The following KCNQ1 variants were observed in gnomAD, a reference collection of about 807,000 sequenced individuals.
The protein encoded by KCNQ1 is potassium voltage-gated channel subfamily Q member 1.
A neutral mutation model predicts 72.4 loss-of-function variants in KCNQ1; 49 were observed. The observed-to-expected ratio is 0.68, with a 90% CI of 0.54 to 0.86. The LOEUF is 0.86. Among genes scored for constraint, KCNQ1 ranks in the 40% least tolerant of loss-of-function variants. The pLI is 0.00. For synonymous variants in KCNQ1, 450 were observed against 412.6 expected, an observed-to-expected ratio of 1.09 and a Z score of -1.10; for missense variants, 790 against 945.1, an observed-to-expected ratio of 0.84 and a Z score of 2.15.
intron 15 of KCNQ1, among the ~76,000 whole-genome samples, chr11:2,788,382 T>G (rs1462602293): frequency 6.6e-6 from 1 of 152,186 alleles, no homozygotes; most frequent in Non-Finnish European, 1.5e-5. Context: ...CAGCAGACTG[T>G]GAGAAGTGTG....
intron 11 of KCNQ1, chr11:2,684,754 G>A (rs1031101464): frequency 5.0e-6 from 2 of 398,644 alleles, no homozygotes; most frequent in Admixed American, 8.8e-5. Flanking sequence ...GAGAAAAGGG[G>A]TAAGGGAGGA....
chr11:2,555,022 C>T (rs986995797), intron 2 of KCNQ1, among the ~76,000 whole-genome samples: 19 of 152,214 alleles, frequency 1.2e-4, no homozygotes, highest in Non-Finnish European at 1.8e-4. Flanking sequence ...CACACACACA[C>T]GTCCACAGGG....
At chr11:2,775,620 G>A (rs1329336542) in intron 12 of KCNQ1, among the ~76,000 whole-genome samples, 2 of 152,212 alleles carry the variant, frequency 1.3e-5, no homozygotes, top group East Asian at 1.9e-4. Context: ...CCTTGGGGGG[G>A]CCAGCTCTTC....
In KCNQ1 at chr11:2,679,868, T is replaced by G. The variant is rs1850359736; in HGVS notation, c.1514+17787T>G. 2.5e-6 allele frequency: 1 copy of G among 398,382 alleles called. No individual in the cohort carries two copies. Among genetic ancestry groups the G allele is most frequent in the Non-Finnish European group, 4.4e-6 (1 of 226,060 alleles). The allele number at this position is 398,382 out of a possible 1,614,324, so 24.7% of individuals were successfully genotyped here. On this transcript the variant is annotated intron_variant, in intron 11 of 15. Coordinates refer to ENST00000155840, the MANE Select transcript of KCNQ1 (RefSeq NM_000218.3). The surrounding 1 kb of genome is among the most constrained non-coding windows in gnomAD (Gnocchi z 4.8). ...GGACATGCATTTTTTTCATATAAAC[T>G]TAGAACTAGCACGCCTAATTTTTTT...
At position 2,603,776 on chromosome 11, in the gene KCNQ1, C is replaced by T. The variant is rs183715124; in HGVS notation, c.1393+14922C>T. ...CGCGATGTCGGCTCACTGCAACCTC[C>T]GCCTCCCGGGTTCAAGCAATTCACC... On this transcript the variant is annotated intron_variant, in intron 10 of 15. Transcript: ENST00000155840. This position sits in a 1 kb window ranked among gnomAD's most constrained non-coding sequence, Gnocchi z 4.1. Among the ~76,000 whole-genome samples, 1,374 of 152,044 alleles carry T rather than the reference C, an allele frequency of 9.0e-3. 27 individuals carry two copies. Among genetic ancestry groups the T allele is most frequent in the South Asian group, 0.049 (236 of 4,794 alleles).
rs11828960 is a variant in KCNQ1 at position 2,711,561 on chromosome 11, G to A, written c.1514+49480G>A. On this transcript the variant is annotated intron_variant, in intron 11 of 15. Coordinates refer to ENST00000155840, the MANE Select transcript of KCNQ1 (RefSeq NM_000218.3). This position sits in a 1 kb window ranked among gnomAD's most constrained non-coding sequence, Gnocchi z 5.4. ...CCTGCCCAGAACGGGGCTCTCGGAG[G>A]CCAGGGTGACTCCACTATCCCACCA... Among the ~76,000 whole-genome samples the A allele has an allele frequency of 0.011, 1,638 of 152,186 alleles. 28 individuals are homozygous for A. Among genetic ancestry groups the A allele is most frequent in the African/African-American group, 0.037 (1,530 of 41,502 alleles).
intron 1 of KCNQ1, among the ~76,000 whole-genome samples, chr11:2,449,264 T>C (rs1260560661): frequency 6.6e-6 from 1 of 152,216 alleles, no homozygotes; most frequent in Non-Finnish European, 1.5e-5. Context: ...CCTGTGGGCA[T>C]GGTGCCCGCA....
At chr11:2,832,124 T>C (rs530193839) in intron 15 of KCNQ1, among the ~76,000 whole-genome samples, 2 of 152,218 alleles carry the variant, frequency 1.3e-5, no homozygotes, top group African/African-American at 2.4e-5. Context: ...ATAGCTTCAT[T>C]GTCCCCAGGA....
At position 2,576,754 on chromosome 11, in the gene KCNQ1, A is replaced by G. The variant is rs149796461; in HGVS notation, c.921+3768A>G. 2.5e-3 allele frequency among the ~76,000 whole-genome samples: 381 copies of G among 152,298 alleles called. 9 individuals carry two copies. In the East Asian group the frequency reaches 0.034, roughly 13 times the overall value. On this transcript the variant is annotated intron_variant, in intron 6 of 15. Transcript: ENST00000155840. ...TGTGCGTGAGGGCAGGGCCTCCCAG[A>G]CAGTCACAGGCCAGCCCTGTTGGCA...
rs552099458 is a variant in KCNQ1, at chr11:2,516,177, C to T, written c.387-11751C>T. The stretch of plus-strand genomic sequence containing the variant: ...GACCTGTGATGCTGTCAGGGAGACC[C>T]GGAGTCCAGTTCTCGCCAACCGCTC... On this transcript the variant is annotated intron_variant, in intron 1 of 15. Transcript: ENST00000155840. The surrounding 1 kb of genome is among the most constrained non-coding windows in gnomAD (Gnocchi z 7.0). Among the ~76,000 whole-genome samples the T allele has an allele frequency of 4.6e-5, 7 of 152,172 alleles. No homozygotes were observed. In the East Asian group the frequency reaches 7.8e-4, roughly 17 times the overall value.
Position 2,491,652 on chromosome 11 carries a change from C to A in KCNQ1, c.387-36276C>A, listed in dbSNP as rs574976115. On this transcript the variant is annotated intron_variant, in intron 1 of 15. Coordinates refer to ENST00000155840, the MANE Select transcript of KCNQ1 (RefSeq NM_000218.3). This position sits in a 1 kb window ranked among gnomAD's most constrained non-coding sequence, Gnocchi z 4.1. ...TAGAGAAAGAGATAGGGGTAGAAAGCTTATTCAAAGGGATACTAACATAGA... is the reference window on the plus strand; with the variant it reads ...TAGAGAAAGAGATAGGGGTAGAAAGATTATTCAAAGGGATACTAACATAGA... Among the ~76,000 whole-genome samples the A allele has an allele frequency of 2.2e-4, 34 of 152,142 alleles. No homozygotes were observed. Among genetic ancestry groups the A allele is most frequent in the African/African-American group, 7.7e-4 (32 of 41,506 alleles).
At chr11:2,693,741 T>C (rs925942564) in intron 11 of KCNQ1, 4 of 398,600 alleles carry the variant, frequency 1.0e-5, no homozygotes, top group South Asian at 1.3e-4. Flanking sequence ...CCCTGGGTTA[T>C]ACAGGCTCCT....
In KCNQ1 at chr11:2,499,307, G is replaced by A. The variant is rs377142493; in HGVS notation, c.387-28621G>A. Among the ~76,000 whole-genome samples the A allele has an allele frequency of 1.8e-3, 272 of 152,050 alleles. 14 individuals carry two copies. The South Asian group carries it at 0.055, about 31-fold the overall frequency. ...GGTAACCTCAGATCTAAAACATATG[G>A]CAGACACACAAATAAAAAGCAAGAA... On this transcript the variant is annotated intron_variant, in intron 1 of 15. Transcript: ENST00000155840.
At chr11:2,542,536 C>T (rs1282125490) in intron 2 of KCNQ1, among the ~76,000 whole-genome samples, 1 of 152,254 alleles carries the variant, frequency 6.6e-6, no homozygotes, top group Non-Finnish European at 1.5e-5. Flanking sequence ...GTGTACGCCA[C>T]AGGACCATCA....
chr11:2,688,674 C>T, intron 11 of KCNQ1: 1 of 398,898 alleles, frequency 2.5e-6, no homozygotes. Context: ...TCGTTCATTT[C>T]CACACACCAC....
Position 2,475,417 on chromosome 11 carries a change from C to CTG in KCNQ1, c.386+29934_386+29935dup, listed in dbSNP as rs1846555752. ...TGGCTAGAGGCTCCTTCCTGAAAGC[C>CTG]TGATACTTAGAATGGATTTAAAAAC... On this transcript the variant is annotated intron_variant, in intron 1 of 15. Coordinates refer to ENST00000155840, the MANE Select transcript of KCNQ1 (RefSeq NM_000218.3). The surrounding 1 kb of genome is among the most constrained non-coding windows in gnomAD (Gnocchi z 5.8). Among the ~76,000 whole-genome samples, 1 of 152,136 alleles carries CTG rather than the reference C, an allele frequency of 6.6e-6. No homozygotes were observed. Among genetic ancestry groups the CTG allele is most frequent in the African/African-American group, 2.4e-5 (1 of 41,414 alleles).
intron 11 of KCNQ1, chr11:2,688,896 G>C (rs1229320898): frequency 2.5e-6 from 1 of 398,962 alleles, no homozygotes; most frequent in Non-Finnish European, 4.4e-6. Context: ...GGAAGCTGAG[G>C]TGGGGCTAGG....
At chr11:2,517,386 G>T (rs978251224) in intron 1 of KCNQ1, among the ~76,000 whole-genome samples, 3 of 152,180 alleles carry the variant, frequency 2.0e-5, no homozygotes, top group Non-Finnish European at 4.4e-5. Context: ...ATGGCATTCT[G>T]TCTGCACCGA....
At chr11:2,557,739 A>G (rs1181437086) in intron 2 of KCNQ1, among the ~76,000 whole-genome samples, 1 of 152,244 alleles carries the variant, frequency 6.6e-6, no homozygotes, top group Non-Finnish European at 1.5e-5. Context: ...AGGCAGTGCC[A>G]GGGACTGAGA....
Sources: gnomAD v4.1 joint callset for allele counts (sites outside exome capture counted in the v4.1 genomes callset) on GRCh38, gnomAD v4.1.1 for gene constraint, Gnocchi (gnomAD v3.1) non-coding constraint, MANE v1.5 for transcripts, NCBI Gene and HGNC (gene_info 2026-07-23, HGNC 2026-07-21) for gene names.